Variants in OSBPL10 observed in about 807,000 individuals in gnomAD.
OSBPL10 encodes the protein oxysterol-binding protein-related protein 10.
A neutral mutation model predicts 81.7 loss-of-function variants in OSBPL10; 49 were observed. That is an observed-to-expected ratio of 0.60 (90% CI 0.48 to 0.76). The LOEUF (loss-of-function observed/expected upper bound fraction) is 0.76, where lower values mean the gene tolerates loss of function less well. Ranked by LOEUF, OSBPL10 falls within the 30% of genes least tolerant of loss-of-function variation. The pLI is 0.00. For synonymous variants in OSBPL10, 419 were observed against 383.6 expected (o/e 1.09, Z -1.08); for missense variants, 923 against 987.8 (o/e 0.93, Z 0.88).
At chr3:31,857,812 GAGAAA>G (rs1559494229) in intron 3 of OSBPL10, among the ~76,000 whole-genome samples, 9 of 47,826 alleles carry the variant, frequency 1.9e-4, no homozygotes, top group East Asian at 1.6e-3. Flanking sequence ...GGGAGAGAGA[GAGAAA>G]GGGAGAGGGA....
chr3:31,934,633 CT>C (rs1398297679), intron 1 of OSBPL10, among the ~76,000 whole-genome samples: 1 of 151,910 alleles, frequency 6.6e-6, no homozygotes, highest in Non-Finnish European at 1.5e-5. Context: ...TCTCAAACTC[CT>C]GACCTCAGGT....
At chr3:31,965,906 T>C (rs1559535519) in intron 1 of OSBPL10, among the ~76,000 whole-genome samples, 1 of 109,676 alleles carries the variant, frequency 9.1e-6, no homozygotes, top group African/African-American at 3.5e-5. Flanking sequence ...ATATATTATA[T>C]AAAATAGATA....
At chr3:32,050,495 A>G (rs1699661369) in intron 1 of OSBPL10, among the ~76,000 whole-genome samples, 1 of 152,042 alleles carries the variant, frequency 6.6e-6, no homozygotes, top group African/African-American at 2.4e-5. Flanking sequence ...ATCTTGAAAA[A>G]ACTTCTAACC....
At chr3:32,019,388 T>C (rs189227371) in intron 2 of OSBPL10, among the ~76,000 whole-genome samples, 34 of 152,338 alleles carry the variant, frequency 2.2e-4, no homozygotes, top group Non-Finnish European at 2.1e-4. Flanking sequence ...CAATCAATAA[T>C]ATATTTATGC....
upstream of OSBPL10, chr3:31,981,627 G>A (rs974881984): frequency 6.3e-6 from 1 of 159,520 alleles, no homozygotes; most frequent in African/African-American, 2.4e-5. This position sits in a 1 kb window ranked among gnomAD's most constrained non-coding sequence, Gnocchi z 4.5. Flanking sequence ...GATCCGAAGG[G>A]GCGAAAGGGA....
intron 3 of OSBPL10, among the ~76,000 whole-genome samples, chr3:31,859,008 A>C (rs1700997191): frequency 6.6e-6 from 1 of 152,214 alleles, no homozygotes; most frequent in Non-Finnish European, 1.5e-5. Flanking sequence ...ATATTACTTA[A>C]TCCTAACAAC....
chr3:31,821,756 A>G (rs1346506311), intron 4 of OSBPL10, among the ~76,000 whole-genome samples: 1 of 152,198 alleles, frequency 6.6e-6, no homozygotes, highest in African/African-American at 2.4e-5. Context: ...GGGTAAATTC[A>G]CTTTATACCC....
chr3:31,872,558 T>C lies in OSBPL10; in HGVS notation c.537+3875A>G, dbSNP rs1701357778. Among the ~76,000 whole-genome samples the C allele has an allele frequency of 2.0e-5, 3 of 150,142 alleles. No homozygotes were observed. The South Asian group carries it at 6.3e-4, about 31-fold the overall frequency. On this transcript the variant is annotated intron_variant, in intron 3 of 11. Transcript: ENST00000396556. ...AAAAAGTACCATAATTCCACTAAAA[T>C]AGCTAAAATGTAAAGACAGAATCAA...
intron 2 of OSBPL10, among the ~76,000 whole-genome samples, chr3:32,000,072 G>A (rs1463995772): frequency 1.3e-5 from 2 of 152,106 alleles, no homozygotes; most frequent in African/African-American, 4.8e-5. Context: ...GGTTATCTTT[G>A]TTTGTTTCTA....
At chr3:32,030,472 A>G (rs1699457456) in intron 2 of OSBPL10, 5 of 691,958 alleles carry the variant, frequency 7.2e-6, no homozygotes, top group South Asian at 7.1e-5. Flanking sequence ...TAATGTGCGT[A>G]TTAAGCGTAT....
intron 4 of OSBPL10, among the ~76,000 whole-genome samples, chr3:31,818,684 ACTC>A (rs1022430763): frequency 1.3e-5 from 2 of 151,466 alleles, no homozygotes; most frequent in African/African-American, 4.9e-5. Context: ...CATGCTCCCC[ACTC>A]CTACTCCAAA....
At chr3:31,965,828 A>ATAGATAATATATATTATCTATT (rs1698370517) in intron 1 of OSBPL10, among the ~76,000 whole-genome samples, 2 of 82,414 alleles carry the variant, frequency 2.4e-5, no homozygotes, top group Admixed American at 2.1e-4. Context: ...TATTATATAA[A>ATAGATAATATATATTATCTATT]TATATAATAT....
chr3:31,931,537 C>T (rs1430120221), intron 1 of OSBPL10, among the ~76,000 whole-genome samples: 1 of 152,206 alleles, frequency 6.6e-6, no homozygotes, highest in African/African-American at 2.4e-5. Flanking sequence ...CTCTATACAT[C>T]AGTGGAAGCT....
chr3:31,790,789 C>A (rs1416761736), intron 4 of OSBPL10, among the ~76,000 whole-genome samples: 1 of 152,234 alleles, frequency 6.6e-6, no homozygotes, highest in African/African-American at 2.4e-5. Context: ...GCAATCTACA[C>A]AACACTCTTG....
At chr3:31,751,296 G>A (rs1011032017) in intron 4 of OSBPL10, among the ~76,000 whole-genome samples, 1 of 152,086 alleles carries the variant, frequency 6.6e-6, no homozygotes, top group Non-Finnish European at 1.5e-5. Flanking sequence ...GCAGTGATCT[G>A]TGACCACACC....
intron 4 of OSBPL10, among the ~76,000 whole-genome samples, chr3:31,811,640 A>G (rs1575560414): frequency 1.3e-5 from 2 of 152,246 alleles, no homozygotes; most frequent in East Asian, 3.8e-4. Context: ...TCATAACAGG[A>G]TATATCAAGT....
chr3:32,049,963 T>C (rs796505741), intron 1 of OSBPL10, among the ~76,000 whole-genome samples: 3 of 152,300 alleles, frequency 2.0e-5, no homozygotes, highest in African/African-American at 7.2e-5. Flanking sequence ...AAACTTGTTA[T>C]AGGAATGGTA....
intron 1 of OSBPL10, among the ~76,000 whole-genome samples, chr3:32,046,905 C>G (rs955106314): frequency 6.6e-6 from 1 of 152,112 alleles, no homozygotes; most frequent in Admixed American, 6.6e-5. Context: ...GACCCTGTTA[C>G]CAGAAAAAGG....
chr3:31,777,857 T>C (rs1331824556), intron 4 of OSBPL10, among the ~76,000 whole-genome samples: 1 of 152,220 alleles, frequency 6.6e-6, no homozygotes, highest in African/African-American at 2.4e-5. Context: ...TTTTAGGCAC[T>C]CCCATTCTCC....
Sources: gnomAD v4.1 joint callset for allele counts (sites outside exome capture counted in the v4.1 genomes callset) on GRCh38, gnomAD v4.1.1 for gene constraint, Gnocchi (gnomAD v3.1) non-coding constraint, MANE v1.5 for transcripts, NCBI Gene and HGNC (gene_info 2026-07-23, HGNC 2026-07-21) for gene names.